Variants in TRPC4 observed in about 807,000 individuals in gnomAD.
The protein encoded by TRPC4 is transient receptor potential cation channel subfamily C member 4.
Under a neutral mutation model 99.4 loss-of-function variants are expected in TRPC4, and 49 were observed. The ratio of observed to expected loss-of-function variants is 0.49; its 90% CI spans 0.39 to 0.63. The LOEUF (loss-of-function observed/expected upper bound fraction) is 0.63. Ranked by LOEUF, TRPC4 falls within the 20% of genes least tolerant of loss-of-function variation. The probability of loss-of-function intolerance (pLI) is 0.00; values close to 1 mark genes in which losing one functional copy is unlikely to be tolerated. For missense variants in TRPC4, 898 were observed against 1,152.9 expected, an observed-to-expected ratio of 0.78 and a Z score of 3.20; for synonymous variants, 454 against 425.9, an observed-to-expected ratio of 1.07 and a Z score of -0.81.
intron 3 of TRPC4, among the ~76,000 whole-genome samples, chr13:37,695,445 T>G (rs2138899065): frequency 6.6e-6 from 1 of 152,296 alleles, no homozygotes; most frequent in African/African-American, 2.4e-5. Context: ...TACTCCATCT[T>G]TCTACTGCAC....
Position 37,800,190 on chromosome 13 carries a change from G to A in TRPC4, c.-27-16830C>T, listed in dbSNP as rs9315516. On this transcript the variant is annotated intron_variant, in intron 1 of 10. Transcript: ENST00000379705. ...ATATAATTAAAATGTAATGATTATT[G>A]ACAGTATTATTTATTTATTTAGAGA... is the stretch of plus-strand genomic sequence containing the variant. Among the ~76,000 whole-genome samples the A allele has an allele frequency of 5.9e-3, 892 of 152,188 alleles. 6 individuals are homozygous for A. The highest frequency in any genetic ancestry group is 0.02 in the African/African-American group (835 of 41,550).
chr13:37,831,201 C>G lies in TRPC4; in HGVS notation c.-28+38394G>C, dbSNP rs1226963804. ...AGACATTCAATAATAGGAAAACAAA[C>G]AACCCTAATAAAAATTGGGCAAAAG... is the stretch of plus-strand genomic sequence containing the variant. On this transcript the variant is annotated intron_variant, in intron 1 of 10. Coordinates refer to ENST00000379705, the MANE Select transcript of TRPC4 (RefSeq NM_016179.4). Among the ~76,000 whole-genome samples, 8 of 152,088 alleles carry G rather than the reference C, an allele frequency of 5.3e-5. No individual in the cohort carries two copies. In the East Asian group the frequency reaches 1.5e-3, roughly 29 times the overall value.
At chr13:37,856,873 T>G (rs1355217566) in intron 1 of TRPC4, among the ~76,000 whole-genome samples, 1 of 151,500 alleles carries the variant, frequency 6.6e-6, no homozygotes, top group African/African-American at 2.4e-5. Flanking sequence ...CTCAAAAAAC[T>G]GCATATAGAA....
chr13:37,712,029 T>C (rs1954502413), intron 3 of TRPC4, among the ~76,000 whole-genome samples: 1 of 152,070 alleles, frequency 6.6e-6, no homozygotes, highest in Non-Finnish European at 1.5e-5. Flanking sequence ...CATATTTCCA[T>C]TTTGACAAAC....
At chr13:37,738,935 G>A (rs894501122) in intron 3 of TRPC4, among the ~76,000 whole-genome samples, 1 of 133,178 alleles carries the variant, frequency 7.5e-6, no homozygotes, top group Admixed American at 8.0e-5. Context: ...CCCGGGCTTG[G>A]GATTTTCAAT....
At chr13:37,751,766 A>T (rs1320946908) in intron 2 of TRPC4, among the ~76,000 whole-genome samples, 1 of 151,994 alleles carries the variant, frequency 6.6e-6, no homozygotes. Flanking sequence ...AAGATAAAGC[A>T]ATTCATATCC....
In TRPC4 at chr13:37,746,267, G is replaced by A. The variant is rs775029172; in HGVS notation, c.567C>T (p.Ser189=). Residue 189 remains serine, a synonymous_variant, in exon 3 of 11, where the codon AGC becomes AGT. Transcript: ENST00000379705. ...TGAGTCTGGAGCGTGAGTGACGGAG[G>A]CTGTCCACATCTGAACTGGACACGC... ...VECVSSSDVD[S]LRHSRSRLNI... 5.0e-6 allele frequency: 8 copies of A among 1,613,790 alleles called. No individual in the cohort carries two copies. The highest frequency in any genetic ancestry group is 6.8e-6 in the Non-Finnish European group (8 of 1,179,878).
intron 2 of TRPC4, among the ~76,000 whole-genome samples, chr13:37,756,642 C>A (rs1956105717): frequency 6.6e-6 from 1 of 151,464 alleles, no homozygotes; most frequent in Non-Finnish European, 1.5e-5. Flanking sequence ...AATCGATTCT[C>A]CTGCCTCAGC....
intron 2 of TRPC4, among the ~76,000 whole-genome samples, chr13:37,778,440 A>AT (rs1235769689): frequency 6.6e-6 from 1 of 151,880 alleles, no homozygotes. Flanking sequence ...TATTGTTGTT[A>AT]TTTTTTGTCA....
At chr13:37,698,681 C>T (rs1015047286) in intron 3 of TRPC4, among the ~76,000 whole-genome samples, 2 of 152,088 alleles carry the variant, frequency 1.3e-5, no homozygotes, top group Non-Finnish European at 2.9e-5. Context: ...CGGGAATAAA[C>T]ACAAAAATCT....
intron 1 of TRPC4, among the ~76,000 whole-genome samples, chr13:37,855,968 C>G (rs1959170775): frequency 6.6e-6 from 1 of 150,758 alleles, no homozygotes; most frequent in South Asian, 2.1e-4. Flanking sequence ...ATGCTTCTTA[C>G]AGAACTAGAA....
intron 1 of TRPC4, among the ~76,000 whole-genome samples, chr13:37,824,063 G>A (rs894711713): frequency 2.7e-5 from 4 of 146,480 alleles, no homozygotes; most frequent in African/African-American, 1.0e-4. Flanking sequence ...TCATGATTTG[G>A]CTCTCTGTTT....
chr13:37,831,403 T>C (rs1420022150), intron 1 of TRPC4, among the ~76,000 whole-genome samples: 1 of 152,168 alleles, frequency 6.6e-6, no homozygotes, highest in Non-Finnish European at 1.5e-5. Context: ...GGCAAGGATG[T>C]AGAGAAAAGG....
chr13:37,647,389 T>A (rs1054615764), intron 8 of TRPC4, among the ~76,000 whole-genome samples: 1 of 152,164 alleles, frequency 6.6e-6, no homozygotes, highest in African/African-American at 2.4e-5. Context: ...TAAACCAGCC[T>A]GGTAAACAAG....
rs612308 is a variant in TRPC4 at position 37,839,807 on chromosome 13, G to T, written c.-28+29788C>A. Among the ~76,000 whole-genome samples, 5 of 151,914 alleles carry T rather than the reference G, an allele frequency of 3.3e-5. No homozygotes were observed. In the South Asian group the frequency reaches 1.0e-3, roughly 32 times the overall value. ...CCCTAGAAAAATTGGGGTGGCTTCAGACAAGTCAAATGAAAGACATTGTGA... is the reference window on the plus strand; with the variant it reads ...CCCTAGAAAAATTGGGGTGGCTTCATACAAGTCAAATGAAAGACATTGTGA... On this transcript the variant is annotated intron_variant, in intron 1 of 10. Coordinates refer to ENST00000379705, the MANE Select transcript of TRPC4 (RefSeq NM_016179.4).
At chr13:37,651,536 A>G in intron 7 of TRPC4, 77 bp from the exon 8 acceptor site, 1 of 1,343,584 alleles carries the variant, frequency 7.4e-7, no homozygotes, top group Non-Finnish European at 1.1e-6. Context: ...AGATCCTGTA[A>G]CCTGACTTCA....
intron 1 of TRPC4, among the ~76,000 whole-genome samples, chr13:37,856,452 AAAG>A (rs1334326580): frequency 6.6e-6 from 1 of 151,386 alleles, no homozygotes; most frequent in Non-Finnish European, 1.5e-5. Flanking sequence ...CCAAACATTT[AAAG>A]AAGAACTGAT....
At chr13:37,840,473 A>C (rs1348630980) in intron 1 of TRPC4, among the ~76,000 whole-genome samples, 1 of 152,028 alleles carries the variant, frequency 6.6e-6, no homozygotes, top group Non-Finnish European at 1.5e-5. Context: ...AGAATCATGA[A>C]GACTTCATTC....
At chr13:37,791,823 GA>G (rs1019069266) in intron 1 of TRPC4, among the ~76,000 whole-genome samples, 2 of 152,040 alleles carry the variant, frequency 1.3e-5, no homozygotes, top group Non-Finnish European at 2.9e-5. Flanking sequence ...AAAAGGTGCA[GA>G]AAAAATCATG....
Sources: allele counts gnomAD v4.1 joint callset (sites outside exome capture counted in the v4.1 genomes callset), GRCh38; gene constraint gnomAD v4.1.1; transcripts MANE v1.5; gene names NCBI Gene and HGNC (gene_info 2026-07-23, HGNC 2026-07-21).